ARAP2: variants seen among roughly 807,000 people sequenced by gnomAD.
The protein encoded by ARAP2 is ArfGAP with RhoGAP domain, ankyrin repeat and PH domain 2, also known as arf-GAP with Rho-GAP domain, ANK repeat and PH domain-containing protein 2.
In ARAP2, 148 loss-of-function variants were observed where a neutral mutation model predicts 194.5. The observed-to-expected ratio is 0.76, with a 90% confidence interval of 0.67 to 0.87. The LOEUF is 0.87. ARAP2 is among the 40% of genes least tolerant of loss of function. The pLI is 0.00. For missense variants in ARAP2, 2,128 were observed against 1,989.7 expected, an observed-to-expected ratio of 1.07 and a Z score of -1.32; for synonymous variants, 695 against 683.5, an observed-to-expected ratio of 1.02 and a Z score of -0.26.
In ARAP2 at chr4:36,019,341, T is replaced by C. The variant is rs916633985; in HGVS notation, n.608-55A>G. 3 of 149,296 alleles carry C rather than the reference T, an allele frequency of 2.0e-5. 1 individual carries two copies. Among genetic ancestry groups the C allele is most frequent in the African/African-American group, 7.8e-5 (3 of 38,678 alleles). The allele number at this position is 149,296 out of a possible 1,614,324, so 9.2% of individuals were successfully genotyped here. On this transcript the variant is annotated intron_variant and non_coding_transcript_variant, in intron 5 of 12. Coordinates refer to the ARAP2 transcript ENST00000503225. The stretch of plus-strand genomic sequence containing the variant: ...ATTCCGTTGAAATAAACCCTTTTAA[T>C]GTATTAAGGCTCAGTTTTTTCAATG...
At chr4:36,129,106 T>C (rs1724733820) in intron 20 of ARAP2, among the ~76,000 whole-genome samples, 1 of 151,936 alleles carries the variant, frequency 6.6e-6, no homozygotes, top group Admixed American at 6.6e-5. Context: ...GGCTCTCTGG[T>C]ATAAATGTCA....
intron 22 of ARAP2, among the ~76,000 whole-genome samples, chr4:36,124,539 G>A (rs1290133045): frequency 6.6e-6 from 1 of 151,770 alleles, no homozygotes; most frequent in African/African-American, 2.4e-5. Flanking sequence ...ATAAAGAAAT[G>A]TCCACCATGA....
At chr4:36,052,185 A>T (rs1722779195) in intron 2 of ARAP2, 1 of 152,260 alleles carries the variant, frequency 6.6e-6, no homozygotes, top group African/African-American at 2.4e-5. Context: ...TATTAGGAAA[A>T]ATATACATAT....
chr4:36,235,352 C>A (rs977741983), intron 1 of ARAP2, among the ~76,000 whole-genome samples: 1 of 152,214 alleles, frequency 6.6e-6, no homozygotes, highest in African/African-American at 2.4e-5. Flanking sequence ...TCAGGGCCAG[C>A]CTCCTTTCTG....
upstream of ARAP2, among the ~76,000 whole-genome samples, chr4:36,244,708 G>T (rs1754349931): frequency 6.6e-6 from 1 of 152,134 alleles, no homozygotes; most frequent in African/African-American, 2.4e-5. Context: ...CGCTGGGGAA[G>T]CTGCGGGGGC....
chr4:36,087,619 T>C (rs1200876022), intron 28 of ARAP2, among the ~76,000 whole-genome samples: 1 of 152,070 alleles, frequency 6.6e-6, no homozygotes, highest in African/African-American at 2.4e-5. Flanking sequence ...AAACAATGCA[T>C]CTGTAAAAGT....
At chr4:36,188,708 C>T (rs1369932396) in intron 7 of ARAP2, among the ~76,000 whole-genome samples, 1 of 152,164 alleles carries the variant, frequency 6.6e-6, no homozygotes, top group African/African-American at 2.4e-5. Context: ...CCTTCCACAG[C>T]GTTATCCTTG....
Position 36,160,081 on chromosome 4 carries a change from AG to A in ARAP2, c.2442+377del, listed in dbSNP as rs1295775590. On this transcript the variant is annotated intron_variant, in intron 13 of 32. Transcript: ENST00000303965. The stretch of plus-strand genomic sequence containing the variant: ...TATATATCATCTTTGTACAAACAAT[AG>A]GAACTGTTAGAATCCTTTTTTTTTC... 5.2e-5 allele frequency: 51 copies of A among 989,238 alleles called. No individual in the cohort carries two copies. The African/African-American group carries it at 8.7e-4, about 17-fold the overall frequency. 61.3% of individuals were successfully genotyped at this position (989,238 alleles called of 1,614,324 possible).
At chr4:36,138,771 T>C (rs1727481600) in intron 19 of ARAP2, among the ~76,000 whole-genome samples, 1 of 151,670 alleles carries the variant, frequency 6.6e-6, no homozygotes, top group Non-Finnish European at 1.5e-5. Flanking sequence ...ACCAACTGTA[T>C]TATTTTAAAA....
intron 9 of ARAP2, among the ~76,000 whole-genome samples, chr4:36,007,927 G>T (rs186994332): frequency 2.2e-3 from 329 of 152,010 alleles, no homozygotes; most frequent in African/African-American, 6.3e-3. Flanking sequence ...AAATCAAGAA[G>T]GCAATCTCTT....
At chr4:36,097,417 C>T (rs1306107080) in intron 27 of ARAP2, among the ~76,000 whole-genome samples, 1 of 151,988 alleles carries the variant, frequency 6.6e-6, no homozygotes, top group Non-Finnish European at 1.5e-5. Context: ...CAATTAAAGG[C>T]CAAAATAAAG....
At chr4:36,036,631 C>T (rs972565602) in intron 5 of ARAP2, among the ~76,000 whole-genome samples, 2 of 151,942 alleles carry the variant, frequency 1.3e-5, no homozygotes, top group Non-Finnish European at 2.9e-5. Flanking sequence ...CTTAGAATTA[C>T]GTCCTTCAGT....
At chr4:36,151,766 A>G (rs190414721) in intron 15 of ARAP2, among the ~76,000 whole-genome samples, 32 of 152,294 alleles carry the variant, frequency 2.1e-4, no homozygotes, top group African/African-American at 7.7e-4. Context: ...AGTGTGAGAT[A>G]AATATATACC....
intron 8 of ARAP2, chr4:36,012,908 T>C (rs954342934): frequency 6.6e-6 from 1 of 152,256 alleles, no homozygotes; most frequent in Non-Finnish European, 1.5e-5. Flanking sequence ...GGCATTGTCT[T>C]GCCTGCTTTA....
intron 5 of ARAP2, among the ~76,000 whole-genome samples, chr4:36,034,783 G>T (rs1719629172): frequency 6.6e-6 from 1 of 152,060 alleles, no homozygotes; most frequent in African/African-American, 2.4e-5. Flanking sequence ...GCCTAGTTGA[G>T]GATTCTCAAC....
At chr4:36,242,001 G>T (rs879926365) in intron 1 of ARAP2, among the ~76,000 whole-genome samples, 2 of 152,160 alleles carry the variant, frequency 1.3e-5, no homozygotes, top group African/African-American at 4.8e-5. Flanking sequence ...AAAAGATCAC[G>T]TGAGGAGAAT....
Position 36,216,460 on chromosome 4 carries a change from G to A in ARAP2, c.906-1980C>T, listed in dbSNP as rs115146326. Among the ~76,000 whole-genome samples the A allele has an allele frequency of 4.6e-3, 702 of 152,200 alleles. 8 individuals carry two copies. Among genetic ancestry groups the A allele is most frequent in the African/African-American group, 0.016 (668 of 41,530 alleles). ...ACAAACAAATATATAAATAAATACT[G>A]CTGGCAGGAATGTGAAAGGGTGCAT... On this transcript the variant is annotated intron_variant, in intron 2 of 32. Coordinates refer to ENST00000303965, the MANE Select transcript of ARAP2 (RefSeq NM_015230.4).
At chr4:36,035,176 C>T (rs1719704673) in intron 5 of ARAP2, among the ~76,000 whole-genome samples, 1 of 151,840 alleles carries the variant, frequency 6.6e-6, no homozygotes, top group African/African-American at 2.4e-5. Flanking sequence ...CTTTTTTGTA[C>T]ATCTTGTATA....
chr4:36,209,455 C>G, intron 6 of ARAP2: 1 of 407,158 alleles, frequency 2.5e-6, no homozygotes, highest in East Asian at 8.7e-5. Flanking sequence ...CATATAATTG[C>G]TAACCATACA....
Sources: allele counts gnomAD v4.1 joint callset (sites outside exome capture counted in the v4.1 genomes callset), GRCh38; gene constraint gnomAD v4.1.1; transcripts MANE v1.5; gene names NCBI Gene and HGNC (gene_info 2026-07-23, HGNC 2026-07-21).